MTHFD2L: variants seen among roughly 807,000 people sequenced by gnomAD.
MTHFD2L encodes bifunctional methylenetetrahydrofolate dehydrogenase/cyclohydrolase 2, mitochondrial.
In MTHFD2L, 29 loss-of-function variants were observed where a neutral mutation model predicts 34.9. The ratio of observed to expected loss-of-function variants is 0.83; its 90% CI spans 0.62 to 1.13. MTHFD2L has a LOEUF of 1.13. MTHFD2L is among the 50% of genes most tolerant of loss of function. MTHFD2L has a pLI of 0.00. For synonymous variants in MTHFD2L, 167 were observed against 155.7 expected (o/e 1.07, Z -0.54); for missense variants, 481 against 446.5 (o/e 1.08, Z -0.70).
intron 5 of MTHFD2L, among the ~76,000 whole-genome samples, chr4:74,213,529 A>G (rs1736691564): frequency 6.6e-6 from 1 of 151,870 alleles, no homozygotes; most frequent in Non-Finnish European, 1.5e-5. Context: ...ATTTGCCCCT[A>G]CTCTCTTCTG....
intron 5 of MTHFD2L, among the ~76,000 whole-genome samples, chr4:74,207,073 A>G (rs1735461141): frequency 6.6e-6 from 1 of 151,562 alleles, no homozygotes; most frequent in Admixed American, 6.6e-5. Context: ...AATTTTTTGT[A>G]TTTTTCGTAG....
At chr4:74,236,705 G>T (rs552617104) in intron 6 of MTHFD2L, among the ~76,000 whole-genome samples, 2 of 152,194 alleles carry the variant, frequency 1.3e-5, no homozygotes, top group Non-Finnish European at 2.9e-5. Context: ...GGTGCGTAAC[G>T]CACATATATT....
intron 6 of MTHFD2L, among the ~76,000 whole-genome samples, chr4:74,253,280 ATAACAT>A (rs567069790): frequency 2.0e-5 from 3 of 152,180 alleles, no homozygotes; most frequent in Non-Finnish European, 4.4e-5. Context: ...GACTTGTAAA[ATAACAT>A]TAATAATTAT....
intron 1 of MTHFD2L, among the ~76,000 whole-genome samples, chr4:74,148,347 T>TTTTA (rs1298848631): frequency 5.3e-4 from 73 of 137,662 alleles, no homozygotes; most frequent in African/African-American, 8.5e-4. Flanking sequence ...TTCCCACACA[T>TTTTA]TTTATTTATT....
In MTHFD2L at chr4:74,168,101, C is replaced by T. The variant is rs28666721; in HGVS notation, c.144-6405C>T. Reference sequence around the variant, plus strand: ...CTCCCCTTGATCTCATAGAGTCTATCCTTCATATTTTCACCAGTTATTTTA... The same window carrying T: ...CTCCCCTTGATCTCATAGAGTCTATTCTTCATATTTTCACCAGTTATTTTA... On this transcript the variant is annotated intron_variant, in intron 1 of 7. Coordinates refer to ENST00000325278, the MANE Select transcript of MTHFD2L (RefSeq NM_001144978.3). Among the ~76,000 whole-genome samples the T allele has an allele frequency of 6.8e-3, 1,028 of 152,274 alleles. 5 individuals carry two copies. The highest frequency in any genetic ancestry group is 0.011 in the African/African-American group (457 of 41,546).
chr4:74,251,009 T>G (rs1466637575), intron 6 of MTHFD2L, among the ~76,000 whole-genome samples: 1 of 152,200 alleles, frequency 6.6e-6, no homozygotes, highest in Non-Finnish European at 1.5e-5. Flanking sequence ...GAAATATCCC[T>G]TGTATTTTTT....
chr4:74,201,134 TATAG>T (rs1354164761), intron 4 of MTHFD2L, 125 bp from the exon 5 acceptor site: 26 of 612,984 alleles, frequency 4.2e-5, no homozygotes, highest in Non-Finnish European at 2.8e-6. Context: ...GTGCTCATAT[TATAG>T]ATAAGCCACA....
chr4:74,248,834 T>C (rs1742877704), intron 6 of MTHFD2L, among the ~76,000 whole-genome samples: 1 of 151,974 alleles, frequency 6.6e-6, no homozygotes, highest in African/African-American at 2.4e-5. Flanking sequence ...GATTGCACTG[T>C]GGTCTGAGAG....
intron 1 of MTHFD2L, among the ~76,000 whole-genome samples, chr4:74,146,416 T>C (rs929762787): frequency 2.0e-5 from 3 of 152,358 alleles, no homozygotes; most frequent in African/African-American, 7.2e-5. Flanking sequence ...TTTAGTTTAA[T>C]ACTGTTATGC....
chr4:74,249,812 A>T (rs1169260484), intron 6 of MTHFD2L, among the ~76,000 whole-genome samples: 1 of 151,562 alleles, frequency 6.6e-6, no homozygotes, highest in Non-Finnish European at 1.5e-5. Flanking sequence ...ATTGGCCCCC[A>T]CTCTCTTCTG....
chr4:74,297,076 G>A (rs896674092), intron 7 of MTHFD2L, among the ~76,000 whole-genome samples: 1 of 151,848 alleles, frequency 6.6e-6, no homozygotes, highest in African/African-American at 2.4e-5. Context: ...TAATTATGCT[G>A]GCAAAGCTAT....
At chr4:74,227,098 CT>C (rs140424374) in intron 6 of MTHFD2L, among the ~76,000 whole-genome samples, 1,603 of 152,278 alleles carry the variant, frequency 0.011, 35 homozygotes, top group African/African-American at 0.037. Context: ...CTGTGTTCCT[CT>C]GACACTGGCT....
At chr4:74,237,533 C>A (rs554002443) in intron 6 of MTHFD2L, among the ~76,000 whole-genome samples, 152 of 152,298 alleles carry the variant, frequency 1.0e-3, no homozygotes, top group Non-Finnish European at 1.8e-3. Flanking sequence ...CCTGTAATCT[C>A]AGCTACTTTA....
chr4:74,127,986 T>C (rs1181276103), intron 1 of MTHFD2L, among the ~76,000 whole-genome samples: 1 of 152,090 alleles, frequency 6.6e-6, no homozygotes, highest in Non-Finnish European at 1.5e-5. Context: ...ATTTGCATTT[T>C]TCTGGTGACT....
chr4:74,290,204 A>G (rs1317556969), intron 7 of MTHFD2L, among the ~76,000 whole-genome samples: 2 of 152,182 alleles, frequency 1.3e-5, no homozygotes, highest in African/African-American at 4.8e-5. Context: ...TTCCAACCCA[A>G]TAGTCAAGCA....
chr4:74,172,292 T>C (rs995153158), intron 1 of MTHFD2L, among the ~76,000 whole-genome samples: 8 of 152,194 alleles, frequency 5.3e-5, no homozygotes, highest in African/African-American at 1.9e-4. Context: ...TATATACATA[T>C]ATTAAAACTT....
intron 5 of MTHFD2L, among the ~76,000 whole-genome samples, chr4:74,212,267 T>G (rs1736454635): frequency 6.6e-6 from 1 of 152,196 alleles, no homozygotes; most frequent in Admixed American, 6.5e-5. Context: ...GCTTCTCTAG[T>G]TATTTTAATT....
At chr4:74,292,036 A>T (rs547654924) in intron 7 of MTHFD2L, among the ~76,000 whole-genome samples, 1 of 152,324 alleles carries the variant, frequency 6.6e-6, no homozygotes, top group South Asian at 2.1e-4. Context: ...GATGAACATT[A>T]TAAAAGCCCC....
chr4:74,129,687 A>G (rs745941852), intron 1 of MTHFD2L, among the ~76,000 whole-genome samples: 4 of 152,172 alleles, frequency 2.6e-5, no homozygotes, highest in Non-Finnish European at 4.4e-5. Flanking sequence ...GAGAAGCAAC[A>G]GTAAACAAAT....
Sources: allele counts gnomAD v4.1 joint callset (sites outside exome capture counted in the v4.1 genomes callset), GRCh38; gene constraint gnomAD v4.1.1; transcripts MANE v1.5; gene names NCBI Gene and HGNC (gene_info 2026-07-23, HGNC 2026-07-21).